Variants in SPOP observed in about 807,000 individuals in gnomAD.
SPOP encodes speckle-type POZ protein.
A neutral mutation model predicts 45.6 loss-of-function variants in SPOP; 11 were observed. The observed-to-expected ratio is 0.24, with a 90% CI of 0.15 to 0.40. The LOEUF is 0.40. SPOP is among the 10% of genes least tolerant of loss of function. SPOP has a pLI of 1.00. For synonymous variants in SPOP, 166 were observed against 166.3 expected (o/e 1.00, Z 0.01); for missense variants, 152 against 465.6 (o/e 0.33, Z 6.20).
At chr17:49,605,792 A>G (rs1301082043) in intron 8 of SPOP, among the ~76,000 whole-genome samples, 2 of 152,244 alleles carry the variant, frequency 1.3e-5, no homozygotes, top group Middle Eastern at 3.4e-3. Flanking sequence ...GTTTGAGACC[A>G]GCCTGACCAA....
intron 8 of SPOP, among the ~76,000 whole-genome samples, chr17:49,605,371 G>A (rs1278476807): frequency 1.3e-5 from 2 of 152,196 alleles, no homozygotes; most frequent in African/African-American, 4.8e-5. Flanking sequence ...ACCAAAATCT[G>A]TGAATGCTCA....
chr17:49,632,640 C>T (rs1287220571), intron 1 of SPOP, among the ~76,000 whole-genome samples: 7 of 152,060 alleles, frequency 4.6e-5, no homozygotes, highest in Admixed American at 4.6e-4. Flanking sequence ...TTACAGGCGC[C>T]CACCAACATG....
intron 1 of SPOP, among the ~76,000 whole-genome samples, chr17:49,638,008 G>A (rs1446200276): frequency 6.6e-6 from 1 of 152,174 alleles, no homozygotes; most frequent in Admixed American, 6.6e-5. Context: ...ACCATGCCTG[G>A]CCCTATGGTT....
intron 1 of SPOP, among the ~76,000 whole-genome samples, chr17:49,627,932 G>A (rs2072370670): frequency 6.6e-6 from 1 of 152,168 alleles, no homozygotes; most frequent in African/African-American, 2.4e-5. Context: ...GACTAGGACA[G>A]CACAAGTCTA....
At chr17:49,666,448 G>GACACAC (rs36210011) in intron 1 of SPOP, among the ~76,000 whole-genome samples, 131 of 142,120 alleles carry the variant, frequency 9.2e-4, no homozygotes, top group East Asian at 4.8e-3. Flanking sequence ...CATGAAGACA[G>GACACAC]ACACACACAC....
intron 1 of SPOP, among the ~76,000 whole-genome samples, chr17:49,653,710 G>A (rs1290379367): frequency 6.6e-6 from 1 of 151,480 alleles, no homozygotes; most frequent in African/African-American, 2.4e-5. Flanking sequence ...AGTCACAGAA[G>A]AGTGGGTACA....
At chr17:49,661,641 C>T (rs941391332) in intron 1 of SPOP, among the ~76,000 whole-genome samples, 9 of 152,158 alleles carry the variant, frequency 5.9e-5, no homozygotes, top group Non-Finnish European at 1.3e-4. Flanking sequence ...TTCTACTATG[C>T]TTTTGCTTAT....
At chr17:49,630,179 G>A (rs1433527359) in intron 1 of SPOP, among the ~76,000 whole-genome samples, 1 of 152,080 alleles carries the variant, frequency 6.6e-6, no homozygotes, top group African/African-American at 2.4e-5. Flanking sequence ...AAAGATTGAC[G>A]ACAATTGCAA....
In SPOP at chr17:49,652,030, T is replaced by G. The variant is rs535200946; in HGVS notation, c.-67+25903A>C. 5.9e-5 allele frequency among the ~76,000 whole-genome samples: 9 copies of G among 151,494 alleles called. No individual in the cohort carries two copies. The East Asian group carries it at 1.4e-3, about 23-fold the overall frequency. On this transcript the variant is annotated intron_variant, in intron 1 of 9. Coordinates refer to ENST00000504102, the MANE Select transcript of SPOP (RefSeq NM_001007228.2). Reference sequence around the variant, plus strand: ...TGACATTCTCAAAAAAAAAAAAAATTGGAAGAATAAGTTTTCCCCACCAAT... The same window carrying G: ...TGACATTCTCAAAAAAAAAAAAAATGGGAAGAATAAGTTTTCCCCACCAAT...
chr17:49,662,969 A>G (rs747408926), intron 1 of SPOP, among the ~76,000 whole-genome samples: 1 of 152,318 alleles, frequency 6.6e-6, no homozygotes, highest in African/African-American at 2.4e-5. Context: ...TGAAGGCAAC[A>G]TTATTTTCAT....
chr17:49,635,559 A>G (rs924501029), intron 1 of SPOP, among the ~76,000 whole-genome samples: 2 of 152,146 alleles, frequency 1.3e-5, no homozygotes, highest in African/African-American at 4.8e-5. Context: ...AAAATACACA[A>G]AGGCAATTTG....
chr17:49,670,162 A>C (rs538577151), intron 1 of SPOP, among the ~76,000 whole-genome samples: 2 of 152,352 alleles, frequency 1.3e-5, no homozygotes, highest in African/African-American at 4.8e-5. Context: ...ACTCCTTGCC[A>C]GTTCTATTAA....
chr17:49,668,140 A>T (rs1237219431), intron 1 of SPOP: 1 of 152,212 alleles, frequency 6.6e-6, no homozygotes, highest in Non-Finnish European at 1.5e-5. Flanking sequence ...TTGCAAGATG[A>T]AAAAGTTCTA....
At chr17:49,629,058 A>G (rs921061236) in intron 1 of SPOP, among the ~76,000 whole-genome samples, 1 of 151,526 alleles carries the variant, frequency 6.6e-6, no homozygotes, top group Non-Finnish European at 1.5e-5. Context: ...CCTGACCAAC[A>G]TAGCGAAACC....
chr17:49,623,600 T>C (rs1437875877), intron 1 of SPOP, among the ~76,000 whole-genome samples: 1 of 152,230 alleles, frequency 6.6e-6, no homozygotes, highest in Non-Finnish European at 1.5e-5. Flanking sequence ...TCTTCTCCTA[T>C]GCTTCACTGC....
rs112880999 is a variant in SPOP, at chr17:49,599,506, G to GT, written c.*871dup. The GT allele has an allele frequency of 0.27, 49,864 of 182,068 alleles. 5,709 individuals carry two copies. The highest frequency in any genetic ancestry group is 0.38 in the Middle Eastern group (224 of 586). 11.3% of individuals were successfully genotyped at this position (182,068 alleles called of 1,614,324 possible). A position where few individuals can be genotyped will look rare whatever the true frequency, so the allele number is the denominator to read the frequency against. Reference sequence around the variant, plus strand: ...CTTTTGTTCTGTTTTTGTTTTGTGTGTTTTTTTTTTTGTTTGTTTTTTAGA... The same window carrying GT: ...CTTTTGTTCTGTTTTTGTTTTGTGTGTTTTTTTTTTTTGTTTGTTTTTTAGA... On this transcript the variant is annotated 3_prime_UTR_variant, in exon 10 of 10. Coordinates refer to ENST00000504102, the MANE Select transcript of SPOP (RefSeq NM_001007228.2).
chr17:49,605,833 C>A (rs2071831611), intron 8 of SPOP, among the ~76,000 whole-genome samples: 1 of 151,536 alleles, frequency 6.6e-6, no homozygotes, highest in African/African-American at 2.4e-5. Context: ...ACTTAAAATA[C>A]AAAAATTAGC....
chr17:49,639,423 C>G (rs1346261786), intron 1 of SPOP, among the ~76,000 whole-genome samples: 1 of 152,130 alleles, frequency 6.6e-6, no homozygotes, highest in African/African-American at 2.4e-5. Context: ...AGAGAAACTT[C>G]TGTACATGTT....
chr17:49,623,653 T>C (rs1220869061), intron 1 of SPOP, among the ~76,000 whole-genome samples: 1 of 152,176 alleles, frequency 6.6e-6, no homozygotes, highest in Non-Finnish European at 1.5e-5. Flanking sequence ...TGCTGGCTGC[T>C]CTCTTGAAGG....
Sources: allele counts gnomAD v4.1 joint callset (sites outside exome capture counted in the v4.1 genomes callset), GRCh38; gene constraint gnomAD v4.1.1; transcripts MANE v1.5; gene names NCBI Gene and HGNC (gene_info 2026-07-23, HGNC 2026-07-21).